ANKS1B: variants seen among roughly 807,000 people sequenced by gnomAD.
ANKS1B encodes ankyrin repeat and sterile alpha motif domain-containing protein 1B.
ANKS1B carries 36 observed loss-of-function variants against 148.3 expected under a neutral mutation model. The observed-to-expected ratio is 0.24, with a 90% CI of 0.19 to 0.32. ANKS1B has a LOEUF of 0.32. Ranked by LOEUF, ANKS1B falls within the 10% of genes least tolerant of loss-of-function variation. The pLI is 1.00. For synonymous variants in ANKS1B, 542 were observed against 560.8 expected, an observed-to-expected ratio of 0.97 and a Z score of 0.47; for missense variants, 1,157 against 1,542.6, an observed-to-expected ratio of 0.75 and a Z score of 4.19.
At chr12:99,917,661 T>C (rs1192749785) in intron 1 of ANKS1B, among the ~76,000 whole-genome samples, 1 of 152,216 alleles carries the variant, frequency 6.6e-6, no homozygotes, top group Non-Finnish European at 1.5e-5. Flanking sequence ...TGCCAGGTCA[T>C]ATTTACTAGC....
chr12:99,651,402 A>G (rs1183574262), intron 9 of ANKS1B, among the ~76,000 whole-genome samples: 1 of 152,168 alleles, frequency 6.6e-6, no homozygotes, highest in African/African-American at 2.4e-5. Flanking sequence ...TACGTAGCCC[A>G]GTATCATATG....
rs79213394 is a variant in ANKS1B, at chr12:99,095,856, C to T, written c.2527-10833G>A. ...ATTGCCTCTTCTCATTTTGACTTAA[C>T]GTTGTGAATTTCTCATAAAAAGATG... is the stretch of plus-strand genomic sequence containing the variant. On this transcript the variant is annotated intron_variant, in intron 15 of 26. Transcript: ENST00000683438. Among the ~76,000 whole-genome samples, 856 of 152,150 alleles carry T rather than the reference C, an allele frequency of 5.6e-3. 13 individuals are homozygous for T. Among genetic ancestry groups the T allele is most frequent in the African/African-American group, 0.02 (826 of 41,522 alleles).
At chr12:99,881,201 T>C (rs1374844366) in intron 1 of ANKS1B, among the ~76,000 whole-genome samples, 1 of 152,190 alleles carries the variant, frequency 6.6e-6, no homozygotes, top group Non-Finnish European at 1.5e-5. Context: ...GCTCAACAGG[T>C]AGGAAAACAA....
At chr12:98,870,016 A>C (rs2099645161) in intron 17 of ANKS1B, among the ~76,000 whole-genome samples, 1 of 152,162 alleles carries the variant, frequency 6.6e-6, no homozygotes, top group African/African-American at 2.4e-5. Flanking sequence ...AGTAGTTAAG[A>C]GGGAATGTGC....
chr12:98,765,757 G>A (rs559758545), intron 25 of ANKS1B, among the ~76,000 whole-genome samples: 2 of 152,316 alleles, frequency 1.3e-5, no homozygotes, highest in Admixed American at 6.5e-5. Context: ...CACCATGCCA[G>A]GCTAATTTTT....
chr12:98,745,042 A>C lies in ANKS1B; in HGVS notation c.*697T>G. On this transcript the variant is annotated 3_prime_UTR_variant, in exon 27 of 27. Transcript: ENST00000683438. ...CATTAATGAAACATTCTTTTAATAA[A>C]AATATTTAATACAAGACACATTTTG... 1 of 985,148 alleles carries C rather than the reference A, an allele frequency of 1.0e-6. No individual in the cohort carries two copies. Among genetic ancestry groups the C allele is most frequent in the Non-Finnish European group, 1.2e-6 (1 of 829,272 alleles). 61.0% of individuals were successfully genotyped at this position (985,148 alleles called of 1,614,324 possible).
intron 8 of ANKS1B, among the ~76,000 whole-genome samples, chr12:99,748,992 T>G (rs1367444836): frequency 6.6e-6 from 1 of 152,096 alleles, no homozygotes; most frequent in African/African-American, 2.4e-5. Flanking sequence ...ATAGACACTA[T>G]AGTTTTCTAA....
chr12:99,535,046 A>G (rs2097051768), intron 9 of ANKS1B, among the ~76,000 whole-genome samples: 1 of 152,126 alleles, frequency 6.6e-6, no homozygotes, highest in Non-Finnish European at 1.5e-5. Flanking sequence ...AGGCCACTTG[A>G]AGATATTCAG....
intron 17 of ANKS1B, among the ~76,000 whole-genome samples, chr12:98,887,639 A>G (rs913781998): frequency 6.6e-5 from 10 of 151,388 alleles, no homozygotes; most frequent in South Asian, 2.1e-4. Flanking sequence ...AGACAGTCTC[A>G]CTCTGTCTCC....
At chr12:99,030,377 T>A (rs1003856854) in intron 17 of ANKS1B, among the ~76,000 whole-genome samples, 2 of 152,178 alleles carry the variant, frequency 1.3e-5, no homozygotes, top group South Asian at 4.1e-4. Context: ...TAGTTACACA[T>A]GGGAGTCAAC....
chr12:99,941,206 T>C (rs1343979707), intron 1 of ANKS1B, among the ~76,000 whole-genome samples: 1 of 152,036 alleles, frequency 6.6e-6, no homozygotes, highest in African/African-American at 2.4e-5. Context: ...GAACAAAAGA[T>C]CACTTAAGGT....
At chr12:99,313,425 G>A (rs1363204326) in intron 12 of ANKS1B, among the ~76,000 whole-genome samples, 1 of 152,134 alleles carries the variant, frequency 6.6e-6, no homozygotes, top group Admixed American at 6.6e-5. Flanking sequence ...TACGAAGCCA[G>A]CATCATCCTG....
At chr12:99,681,581 G>A (rs2098617616) in intron 8 of ANKS1B, among the ~76,000 whole-genome samples, 1 of 152,146 alleles carries the variant, frequency 6.6e-6, no homozygotes, top group South Asian at 2.1e-4. Flanking sequence ...AGACCCAGAA[G>A]AGAAATAACA....
At chr12:99,032,756 A>G (rs1364384132) in intron 17 of ANKS1B, among the ~76,000 whole-genome samples, 1 of 152,032 alleles carries the variant, frequency 6.6e-6, no homozygotes, top group Non-Finnish European at 1.5e-5. Flanking sequence ...ATGAACTTTG[A>G]TTTTTTTAAG....
At chr12:99,633,915 T>C (rs1209958773) in intron 9 of ANKS1B, among the ~76,000 whole-genome samples, 1 of 152,216 alleles carries the variant, frequency 6.6e-6, no homozygotes, top group Non-Finnish European at 1.5e-5. Flanking sequence ...CATATGCCTG[T>C]ATAACACCAC....
intron 1 of ANKS1B, among the ~76,000 whole-genome samples, chr12:99,832,737 G>C (rs1296536691): frequency 1.3e-5 from 2 of 149,692 alleles, no homozygotes; most frequent in South Asian, 2.1e-4. Context: ...AAAAAAAAGA[G>C]AGAGAGAGAG....
At chr12:99,762,063 G>A (rs2062178194) in intron 8 of ANKS1B, among the ~76,000 whole-genome samples, 2 of 152,066 alleles carry the variant, frequency 1.3e-5, no homozygotes, top group East Asian at 1.9e-4. Flanking sequence ...CAAAGAAATG[G>A]AAAAACATGC....
intron 15 of ANKS1B, among the ~76,000 whole-genome samples, chr12:99,113,175 C>T (rs773688552): frequency 6.6e-6 from 1 of 152,140 alleles, no homozygotes; most frequent in African/African-American, 2.4e-5. Context: ...TCTGCATCTT[C>T]GTTTTTTTTC....
intron 8 of ANKS1B, among the ~76,000 whole-genome samples, chr12:99,683,877 GAC>G (rs1567637002): frequency 6.6e-6 from 1 of 151,920 alleles, no homozygotes; most frequent in Admixed American, 6.6e-5. Flanking sequence ...CATCTCAATA[GAC>G]ACAGAAAAAG....
Sources: allele counts gnomAD v4.1 joint callset (sites outside exome capture counted in the v4.1 genomes callset), GRCh38; gene constraint gnomAD v4.1.1; transcripts MANE v1.5; gene names NCBI Gene and HGNC (gene_info 2026-07-23, HGNC 2026-07-21).